Variants in SIL1 observed in about 807,000 individuals in gnomAD.
The protein encoded by SIL1 is SIL1 nucleotide exchange factor, also known as nucleotide exchange factor SIL1.
A neutral mutation model predicts 49.1 loss-of-function variants in SIL1; 40 were observed. The observed-to-expected ratio is 0.81, with a 90% CI of 0.63 to 1.06. The LOEUF is 1.06. SIL1 is among the 50% of genes least tolerant of loss of function. The pLI, the probability that SIL1 is intolerant of heterozygous loss-of-function variation, is 0.00. For missense variants in SIL1, 500 were observed against 572.6 expected (o/e 0.87, Z 1.29); for synonymous variants, 253 against 250.8 (o/e 1.01, Z -0.08).
intron 1 of SIL1, among the ~76,000 whole-genome samples, chr5:139,160,188 A>C (rs1042718396): frequency 1.5e-5 from 2 of 136,892 alleles, no homozygotes; most frequent in East Asian, 4.9e-4. Flanking sequence ...CACACACACA[A>C]AAGTTATAGC....
rs752025399 is a variant in SIL1, at chr5:139,026,942, C to G, written c.504G>C (p.Lys168Asn). The G allele has an allele frequency of 1.1e-5, 18 of 1,614,202 alleles. No homozygotes were observed. In the South Asian group the frequency reaches 1.8e-4, roughly 16 times the overall value. ...CAACATTCAGCTCATCAAAGTCTTTCTTCAGTTCCTCAATGGGGCGGAAGA... is the reference window on the plus strand; with the variant it reads ...CAACATTCAGCTCATCAAAGTCTTTGTTCAGTTCCTCAATGGGGCGGAAGA... Reference protein sequence around the residue: ...KRLFRPIEELKKDFDELNVVI... With the variant: ...KRLFRPIEELNKDFDELNVVI... The change falls in exon 6 of 10, where the codon AAG (lysine) becomes AAC (asparagine). Residue 168 changes from lysine (K) to asparagine (N), a missense_variant. Lys to Asn is a moderately conservative substitution (Grantham distance 94). Coordinates refer to ENST00000394817, the MANE Select transcript of SIL1 (RefSeq NM_022464.5).
At chr5:139,170,593 G>A (rs1462598844) in intron 1 of SIL1, among the ~76,000 whole-genome samples, 2 of 150,572 alleles carry the variant, frequency 1.3e-5, no homozygotes, top group African/African-American at 2.5e-5. Flanking sequence ...TCTCTGCCCG[G>A]CCGCCCCCAT....
chr5:139,144,923 C>G (rs1426078443), intron 1 of SIL1, among the ~76,000 whole-genome samples: 2 of 151,986 alleles, frequency 1.3e-5, no homozygotes, highest in Non-Finnish European at 2.9e-5. Flanking sequence ...TGGGCAAAAC[C>G]TTCATGACCT....
rs73790389 is a variant in SIL1 at position 138,948,395 on chromosome 5, T to C, written c.1030-922A>G. ...ACCCCAATTCTGTCAGCTCCACCTT[T>C]GTCCCTTGTGTCCTGCGATCCAGTG... is the stretch of plus-strand genomic sequence containing the variant. On this transcript the variant is annotated intron_variant, in intron 9 of 9. Transcript: ENST00000394817. This position sits in a 1 kb window ranked among gnomAD's most constrained non-coding sequence, Gnocchi z 4.8. Among the ~76,000 whole-genome samples the C allele has an allele frequency of 0.067, 10,218 of 152,202 alleles. 1,071 individuals carry two copies. The highest frequency in any genetic ancestry group is 0.22 in the African/African-American group (9,206 of 41,462).
At chr5:139,192,341 C>A (rs1447376199) in intron 1 of SIL1, among the ~76,000 whole-genome samples, 2 of 152,114 alleles carry the variant, frequency 1.3e-5, no homozygotes, top group African/African-American at 4.8e-5. Flanking sequence ...AAGAAGCAAA[C>A]TACTTGCAGA....
chr5:139,075,998 A>G (rs2151767890), intron 3 of SIL1, among the ~76,000 whole-genome samples: 1 of 152,308 alleles, frequency 6.6e-6, no homozygotes, highest in Non-Finnish European at 1.5e-5. Context: ...TTGAAATTCC[A>G]GAGAAGCTAG....
intron 7 of SIL1, among the ~76,000 whole-genome samples, chr5:138,975,444 G>A (rs907291922): frequency 1.3e-5 from 2 of 152,170 alleles, no homozygotes; most frequent in Non-Finnish European, 2.9e-5. Context: ...AGGAACACCT[G>A]CCTCAGACAA....
At chr5:139,014,917 G>C (rs551208482) in intron 7 of SIL1, among the ~76,000 whole-genome samples, 1 of 152,222 alleles carries the variant, frequency 6.6e-6, no homozygotes, top group East Asian at 1.9e-4. Context: ...CATCTCCAGT[G>C]TGTGACCTCA....
At chr5:139,100,094 T>A (rs532711739) in intron 3 of SIL1, among the ~76,000 whole-genome samples, 15 of 152,326 alleles carry the variant, frequency 9.8e-5, no homozygotes, top group East Asian at 5.8e-4. Flanking sequence ...GAAATTTTTT[T>A]AAAAAGATTT....
intron 7 of SIL1, among the ~76,000 whole-genome samples, chr5:139,010,361 C>T (rs1269447735): frequency 4.7e-5 from 7 of 150,184 alleles, no homozygotes; most frequent in African/African-American, 1.7e-4. Flanking sequence ...GTTATACATT[C>T]TTCTAATTTT....
At chr5:139,090,587 T>C (rs1257090828) in intron 3 of SIL1, among the ~76,000 whole-genome samples, 1 of 152,158 alleles carries the variant, frequency 6.6e-6, no homozygotes, top group Non-Finnish European at 1.5e-5. Flanking sequence ...TAATATACAG[T>C]AAGAGCAGCA....
intron 5 of SIL1, chr5:139,033,074 GC>G (rs1385217918): frequency 6.6e-6 from 1 of 152,070 alleles, no homozygotes; most frequent in African/African-American, 2.4e-5. Context: ...GCTCACTGCA[GC>G]CTCTGTTTCC....
intron 1 of SIL1, among the ~76,000 whole-genome samples, chr5:139,138,810 A>G (rs1370525905): frequency 6.6e-6 from 1 of 152,216 alleles, no homozygotes; most frequent in Admixed American, 6.5e-5. Context: ...AAAAGCAGCG[A>G]GGGCTTCACC....
chr5:139,145,133 C>T (rs1186075805), intron 1 of SIL1, among the ~76,000 whole-genome samples: 1 of 152,130 alleles, frequency 6.6e-6, no homozygotes, highest in African/African-American at 2.4e-5. Flanking sequence ...AGAAACAACT[C>T]CTACAACAGA....
chr5:139,191,701 G>A (rs1752174962), intron 1 of SIL1, among the ~76,000 whole-genome samples: 1 of 152,066 alleles, frequency 6.6e-6, no homozygotes, highest in Non-Finnish European at 1.5e-5. Flanking sequence ...TGAGGTGGGA[G>A]GATCACTTGA....
At chr5:139,135,992 A>C (rs1272160477) in intron 1 of SIL1, among the ~76,000 whole-genome samples, 1 of 152,100 alleles carries the variant, frequency 6.6e-6, no homozygotes, top group Non-Finnish European at 1.5e-5. Flanking sequence ...TCTTGAACCT[A>C]GGAAGCAGAG....
chr5:139,032,908 T>C (rs943254831), intron 5 of SIL1: 22 of 152,354 alleles, frequency 1.4e-4, no homozygotes, highest in African/African-American at 4.6e-4. Context: ...TGTAATGATA[T>C]TCCTGGTTTC....
At chr5:138,955,024 G>C (rs909611826) in intron 7 of SIL1, among the ~76,000 whole-genome samples, 3 of 152,170 alleles carry the variant, frequency 2.0e-5, no homozygotes, top group African/African-American at 2.4e-5. Flanking sequence ...TGGATGCCTC[G>C]AGCACATATC....
intron 3 of SIL1, among the ~76,000 whole-genome samples, chr5:139,056,491 G>A (rs1179797097): frequency 6.6e-6 from 1 of 150,996 alleles, no homozygotes; most frequent in Non-Finnish European, 1.5e-5. Flanking sequence ...CCCCGTCCGG[G>A]AGGGAGGTGG....
Sources: gnomAD v4.1 joint callset for allele counts (sites outside exome capture counted in the v4.1 genomes callset) on GRCh38, gnomAD v4.1.1 for gene constraint, Gnocchi (gnomAD v3.1) non-coding constraint, MANE v1.5 for transcripts, NCBI Gene and HGNC (gene_info 2026-07-23, HGNC 2026-07-21) for gene names.